Variants in SOBP observed in about 807,000 individuals in gnomAD.
SOBP encodes sine oculis binding protein homolog.
SOBP carries 4 observed loss-of-function variants against 53.6 expected under a neutral mutation model. The observed-to-expected ratio is 0.07, with a 90% CI of 0.04 to 0.17. The LOEUF is 0.17. Among genes scored for constraint, SOBP ranks in the 10% least tolerant of loss-of-function variants. The probability of loss-of-function intolerance (pLI) is 1.00; values close to 1 mark genes in which losing one functional copy is unlikely to be tolerated. For synonymous variants in SOBP, 584 were observed against 522.6 expected (o/e 1.12, Z -1.60); for missense variants, 1,088 against 1,204.7 (o/e 0.90, Z 1.43).
At chr6:107,641,724 G>A (rs1218794304) in intron 6 of SOBP, among the ~76,000 whole-genome samples, 1 of 152,224 alleles carries the variant, frequency 6.6e-6, no homozygotes, top group East Asian at 1.9e-4. Flanking sequence ...CTAAGCTGCT[G>A]CCTGTGCACC....
chr6:107,504,804 A>G (rs1738736133), intron 2 of SOBP, among the ~76,000 whole-genome samples: 1 of 152,244 alleles, frequency 6.6e-6, no homozygotes, highest in South Asian at 2.1e-4. Context: ...TAAGCTTACT[A>G]TGAAATTGTA....
chr6:107,613,386 G>A (rs1786669457), intron 5 of SOBP, among the ~76,000 whole-genome samples: 1 of 152,212 alleles, frequency 6.6e-6, no homozygotes, highest in African/African-American at 2.4e-5. Context: ...ATTTCAAAGG[G>A]ATGGCAGAAA....
intron 3 of SOBP, among the ~76,000 whole-genome samples, chr6:107,526,038 C>G (rs1783650800): frequency 6.6e-6 from 1 of 152,100 alleles, no homozygotes; most frequent in Admixed American, 6.6e-5. Flanking sequence ...ACCTCCACTT[C>G]CCAGGTTCAA....
intron 5 of SOBP, among the ~76,000 whole-genome samples, chr6:107,612,416 T>C (rs1786632128): frequency 6.6e-6 from 1 of 152,134 alleles, no homozygotes. Flanking sequence ...AGAAGAGAGT[T>C]TGAAGGGTTT....
At position 107,521,561 on chromosome 6, in the gene SOBP, A is replaced by G. The variant is rs566768894; in HGVS notation, c.422-11898A>G. 5.1e-4 allele frequency among the ~76,000 whole-genome samples: 78 copies of G among 152,222 alleles called. 2 individuals carry two copies. The highest frequency in any genetic ancestry group is 2.5e-3 in the South Asian group (12 of 4,814). On this transcript the variant is annotated intron_variant, in intron 3 of 6. Transcript: ENST00000317357. The stretch of plus-strand genomic sequence containing the variant: ...TCAACTTCAGGACCTACACTTAACC[A>G]CCTAAGCCCATCTAAGGAATCCCAA...
chr6:107,583,762 G>T (rs1562632193), intron 4 of SOBP, among the ~76,000 whole-genome samples: 1 of 152,024 alleles, frequency 6.6e-6, no homozygotes, highest in South Asian at 2.1e-4. Context: ...AATATTTAGG[G>T]TAAGGTCTAC....
At chr6:107,605,879 C>T (rs936511947) in intron 5 of SOBP, among the ~76,000 whole-genome samples, 1 of 152,104 alleles carries the variant, frequency 6.6e-6, no homozygotes, top group Non-Finnish European at 1.5e-5. Flanking sequence ...TTAATGAGAT[C>T]GCTATAGCAT....
chr6:107,586,694 A>G (rs1177882123), intron 4 of SOBP, among the ~76,000 whole-genome samples: 1 of 152,144 alleles, frequency 6.6e-6, no homozygotes, highest in Non-Finnish European at 1.5e-5. Flanking sequence ...GAATTTTTTA[A>G]AAGTGCATTA....
intron 3 of SOBP, among the ~76,000 whole-genome samples, chr6:107,519,168 G>C (rs1332023163): frequency 6.7e-6 from 1 of 148,660 alleles, no homozygotes; most frequent in Non-Finnish European, 1.5e-5. Flanking sequence ...CTACCTCCCA[G>C]TGGTTCTTAT....
chr6:107,548,822 C>A (rs565930873), intron 4 of SOBP, among the ~76,000 whole-genome samples: 2 of 152,196 alleles, frequency 1.3e-5, no homozygotes, highest in East Asian at 3.9e-4. Flanking sequence ...CCTGTAGTCT[C>A]AGCTGCTAGG....
chr6:107,610,616 C>G (rs559189492), intron 5 of SOBP, among the ~76,000 whole-genome samples: 1 of 152,350 alleles, frequency 6.6e-6, no homozygotes, highest in Non-Finnish European at 1.5e-5. Context: ...TCAAGTGATT[C>G]TAATGTGTTT....
chr6:107,646,768 A>T (rs2115170255), intron 6 of SOBP, among the ~76,000 whole-genome samples: 1 of 152,298 alleles, frequency 6.6e-6, no homozygotes, highest in African/African-American at 2.4e-5. Context: ...ATGTGGTGCC[A>T]GTGGGCTCCT....
intron 4 of SOBP, among the ~76,000 whole-genome samples, chr6:107,535,157 C>T (rs1357633659): frequency 6.6e-6 from 1 of 152,114 alleles, no homozygotes; most frequent in East Asian, 1.9e-4. Flanking sequence ...TGTCACAATC[C>T]TGGTGATACA....
rs764271196 is a variant in SOBP, at chr6:107,658,614, A to G, written c.*411A>G. On this transcript the variant is annotated 3_prime_UTR_variant, in exon 7 of 7. Transcript: ENST00000317357. The stretch of plus-strand genomic sequence containing the variant: ...TTGGAACACAAAAAATCTTTTTTTA[A>G]TCTTTTTAAAAACTGCTGTGGTTTT... 5.2e-5 allele frequency: 8 copies of G among 152,650 alleles called. No individual in the cohort carries two copies. Among genetic ancestry groups the G allele is most frequent in the Non-Finnish European group, 1.2e-4 (8 of 68,040 alleles). The allele number at this position is 152,650 out of a possible 1,614,324, so 9.5% of individuals were successfully genotyped here.
intron 4 of SOBP, among the ~76,000 whole-genome samples, chr6:107,553,072 A>G (rs1784506587): frequency 6.6e-6 from 1 of 152,124 alleles, no homozygotes; most frequent in Admixed American, 6.6e-5. Context: ...ACCAAACACC[A>G]CCTGTTCCCC....
intron 4 of SOBP, among the ~76,000 whole-genome samples, chr6:107,586,287 G>A (rs1785564380): frequency 1.3e-5 from 2 of 152,214 alleles, no homozygotes; most frequent in South Asian, 4.1e-4. Context: ...CGGAGTGCAA[G>A]TGTCACGCAA....
chr6:107,616,084 T>TGGGGGG (rs576223347), intron 5 of SOBP, among the ~76,000 whole-genome samples: 8 of 62,560 alleles, frequency 1.3e-4, no homozygotes, highest in East Asian at 7.6e-4. Flanking sequence ...GGAAGGGGGG[T>TGGGGGG]GGGGGGGGGG....
chr6:107,621,050 G>T, intron 5 of SOBP: 1 of 356,402 alleles, frequency 2.8e-6, no homozygotes, highest in Middle Eastern at 1.4e-3. Flanking sequence ...AATTTACTTA[G>T]CTCTAAAATA....
chr6:107,571,901 C>T (rs1562623588), intron 4 of SOBP, among the ~76,000 whole-genome samples: 1 of 152,176 alleles, frequency 6.6e-6, no homozygotes, highest in Non-Finnish European at 1.5e-5. Flanking sequence ...TGAGCATAAA[C>T]ATTATGTGGT....
Sources: allele counts gnomAD v4.1 joint callset (sites outside exome capture counted in the v4.1 genomes callset), GRCh38; gene constraint gnomAD v4.1.1; transcripts MANE v1.5; gene names NCBI Gene and HGNC (gene_info 2026-07-23, HGNC 2026-07-21).